SEMA3C: variants seen among roughly 807,000 people sequenced by gnomAD.
The protein encoded by SEMA3C is semaphorin 3C, also known as semaphorin-3C.
SEMA3C carries 47 observed loss-of-function variants against 89.4 expected under a neutral mutation model. The observed-to-expected ratio is 0.53, with a 90% CI of 0.42 to 0.67. The LOEUF is 0.67. Ranked by LOEUF, SEMA3C falls within the 30% of genes least tolerant of loss-of-function variation. The pLI, the probability that SEMA3C is intolerant of heterozygous loss-of-function variation, is 0.00. For synonymous variants in SEMA3C, 310 were observed against 320.2 expected, an observed-to-expected ratio of 0.97 and a Z score of 0.34; for missense variants, 839 against 929.1, an observed-to-expected ratio of 0.90 and a Z score of 1.26.
At chr7:80,789,259 C>T (rs1248812831) in intron 12 of SEMA3C, 47 bp downstream of exon 12, 2 of 1,468,440 alleles carry the variant, frequency 1.4e-6, no homozygotes, top group Non-Finnish European at 1.9e-6. Flanking sequence ...ATATTTAGTA[C>T]ATTCTTTTAC....
chr7:80,798,000 A>AAAAAAACCGC, intron 11 of SEMA3C, 92 bp downstream of exon 11: 4 of 1,366,836 alleles, frequency 2.9e-6, no homozygotes, highest in Non-Finnish European at 4.0e-6. Flanking sequence ...TCCGTCTCAA[A>AAAAAAACCGC]AAAAAACCCC....
chr7:80,822,795 C>T (rs1191546097), intron 4 of SEMA3C, among the ~76,000 whole-genome samples: 1 of 152,170 alleles, frequency 6.6e-6, no homozygotes, highest in African/African-American at 2.4e-5. Context: ...AAATAATACA[C>T]ACATCCAACT....
At chr7:80,883,600 C>G (rs576525113) in intron 2 of SEMA3C, among the ~76,000 whole-genome samples, 1 of 152,330 alleles carries the variant, frequency 6.6e-6, no homozygotes, top group South Asian at 2.1e-4. Flanking sequence ...ACCACCCTGT[C>G]TTTGGAATGA....
At chr7:80,799,853 TAA>T (rs543529376) in intron 10 of SEMA3C, among the ~76,000 whole-genome samples, 12 of 86,084 alleles carry the variant, frequency 1.4e-4, no homozygotes, top group South Asian at 3.6e-4. Flanking sequence ...GACCCAATCT[TAA>T]AAAAAAAAAA....
At chr7:80,766,160 C>T (rs1052634543) in intron 12 of SEMA3C, among the ~76,000 whole-genome samples, 1 of 152,162 alleles carries the variant, frequency 6.6e-6, no homozygotes, top group South Asian at 2.1e-4. Context: ...GGTGTGGACA[C>T]CTATTCATAG....
rs146731429 is a variant in SEMA3C at position 80,849,706 on chromosome 7, A to G, written c.104-20961T>C. 6.7e-4 allele frequency among the ~76,000 whole-genome samples: 102 copies of G among 152,316 alleles called. No individual in the cohort carries two copies. The East Asian group carries it at 0.019, about 29-fold the overall frequency. On this transcript the variant is annotated intron_variant, in intron 2 of 17. Coordinates refer to ENST00000265361, the MANE Select transcript of SEMA3C (RefSeq NM_006379.5). ...AGTTATACAGCAAAACTCTTGGAGA[A>G]TTAAATAGGAGACAATCTTTGTGGT... is the stretch of plus-strand genomic sequence containing the variant.
chr7:80,824,751 C>G (rs1313912132), intron 4 of SEMA3C, among the ~76,000 whole-genome samples: 1 of 152,146 alleles, frequency 6.6e-6, no homozygotes, highest in African/African-American at 2.4e-5. Flanking sequence ...CACAGCAGCA[C>G]AGCTTAAGTT....
At chr7:80,782,391 G>A (rs568238179) in intron 12 of SEMA3C, among the ~76,000 whole-genome samples, 40 of 152,252 alleles carry the variant, frequency 2.6e-4, no homozygotes, top group South Asian at 2.1e-4. Context: ...CTCAAACAAA[G>A]CAATGCCAAT....
At chr7:80,794,814 CA>C (rs1285334970) in intron 11 of SEMA3C, among the ~76,000 whole-genome samples, 1 of 152,112 alleles carries the variant, frequency 6.6e-6, no homozygotes, top group Admixed American at 6.5e-5. Context: ...TGCAACATAC[CA>C]AAAGTGTCTT....
At chr7:80,820,874 A>G (rs1382420390) in intron 4 of SEMA3C, among the ~76,000 whole-genome samples, 1 of 152,156 alleles carries the variant, frequency 6.6e-6, no homozygotes, top group African/African-American at 2.4e-5. Context: ...TTCTGTATAC[A>G]ATATTTCCCC....
chr7:80,901,827 A>C (rs1176948568), intron 2 of SEMA3C, among the ~76,000 whole-genome samples: 2 of 152,214 alleles, frequency 1.3e-5, no homozygotes, highest in South Asian at 2.1e-4. Context: ...TTAAATTTAT[A>C]CCTCCCACAA....
intron 2 of SEMA3C, among the ~76,000 whole-genome samples, chr7:80,841,377 T>G (rs571450192): frequency 1.3e-5 from 2 of 152,284 alleles, no homozygotes; most frequent in South Asian, 4.1e-4. Flanking sequence ...CATATTCTCA[T>G]AATCCTGGGG....
intron 12 of SEMA3C, among the ~76,000 whole-genome samples, chr7:80,784,253 A>G (rs539139612): frequency 6.6e-6 from 1 of 151,182 alleles, no homozygotes; most frequent in East Asian, 2.0e-4. Context: ...CTGCTGTTTT[A>G]TAGCCCTTCC....
intron 14 of SEMA3C, 45 bp from the exon 15 acceptor site, chr7:80,758,533 AAG>A: frequency 6.3e-7 from 1 of 1,578,132 alleles, no homozygotes; most frequent in Non-Finnish European, 8.7e-7. Context: ...TGGAAGTTAA[AAG>A]AAGACTTTCA....
chr7:80,750,656 A>T (rs1483496435), intron 16 of SEMA3C, among the ~76,000 whole-genome samples: 1 of 151,862 alleles, frequency 6.6e-6, no homozygotes, highest in Non-Finnish European at 1.5e-5. Flanking sequence ...ATATTGTATA[A>T]TTCCACCTAT....
intron 11 of SEMA3C, among the ~76,000 whole-genome samples, chr7:80,794,030 T>C (rs1789004916): frequency 6.6e-6 from 1 of 152,056 alleles, no homozygotes; most frequent in South Asian, 2.1e-4. Flanking sequence ...CCAAAAAAAT[T>C]ACATAGTTGA....
Position 80,828,700 on chromosome 7 carries a change from T to C in SEMA3C, c.149A>G (p.His50Arg), listed in dbSNP as rs1333285022. The C allele has an allele frequency of 6.2e-7, 1 of 1,611,680 alleles. No homozygotes were observed. The highest frequency in any genetic ancestry group is 1.6e-4 in the Middle Eastern group (1 of 6,074). ...TAATAAAATCCTGTAGTCTAAAGGA[T>C]GGTGGGAAAGGCTGAAGTATTCAGA... is the stretch of plus-strand genomic sequence containing the variant. ...KTSEYFSLSH[H>R]PLDYRILLMD... The change falls in exon 3 of 18, where the codon CAT becomes CGT. Residue 50 changes from histidine (H) to arginine (R), a missense_variant. Physicochemically the swap from His to Arg is conservative, Grantham distance 29. Transcript: ENST00000265361.
At chr7:80,854,554 G>C (rs1160023854) in intron 2 of SEMA3C, among the ~76,000 whole-genome samples, 2 of 152,128 alleles carry the variant, frequency 1.3e-5, no homozygotes, top group Non-Finnish European at 2.9e-5. Flanking sequence ...TTTGGGTAGG[G>C]CTGAGGTAAT....
At chr7:80,811,834 T>A (rs184680786) in intron 5 of SEMA3C, among the ~76,000 whole-genome samples, 38 of 152,266 alleles carry the variant, frequency 2.5e-4, no homozygotes, top group African/African-American at 8.9e-4. Flanking sequence ...TGACATGGCA[T>A]GTTTTCAGTG....
Sources: allele counts gnomAD v4.1 joint callset (sites outside exome capture counted in the v4.1 genomes callset), GRCh38; gene constraint gnomAD v4.1.1; transcripts MANE v1.5; gene names NCBI Gene and HGNC (gene_info 2026-07-23, HGNC 2026-07-21).